RFX7: variants seen among roughly 807,000 people sequenced by gnomAD.
RFX7 encodes DNA-binding protein RFX7.
In RFX7, 26 loss-of-function variants were observed where a neutral mutation model predicts 111.8. That is an observed-to-expected ratio of 0.23 (90% CI 0.17 to 0.32). RFX7 has a LOEUF of 0.32. Among genes scored for constraint, RFX7 ranks in the 10% least tolerant of loss-of-function variants. The probability of loss-of-function intolerance (pLI) is 1.00; values close to 1 mark genes in which losing one functional copy is unlikely to be tolerated. For missense variants in RFX7, 1,573 were observed against 1,772.9 expected (o/e 0.89, Z 2.02); for synonymous variants, 624 against 624.4 (o/e 1.00, Z 0.01).
intron 2 of RFX7, among the ~76,000 whole-genome samples, chr15:56,211,387 C>T (rs2043312018): frequency 6.6e-6 from 1 of 152,066 alleles, no homozygotes; most frequent in Admixed American, 6.6e-5. Flanking sequence ...ACAGATCATA[C>T]ACTCATCACA....
intron 3 of RFX7, among the ~76,000 whole-genome samples, chr15:56,172,865 G>A (rs2042860657): frequency 1.3e-5 from 2 of 152,148 alleles, no homozygotes; most frequent in Non-Finnish European, 2.9e-5. Context: ...ATAGACTTCT[G>A]CATGTGGCCG....
chr15:56,145,554 T>G (rs536995795), intron 3 of RFX7, among the ~76,000 whole-genome samples: 90 of 152,350 alleles, frequency 5.9e-4, no homozygotes, highest in African/African-American at 2.1e-3. Flanking sequence ...CAATTGGCTC[T>G]TGCTCCAATA....
chr15:56,224,131 A>C (rs1384910691), intron 2 of RFX7, among the ~76,000 whole-genome samples: 1 of 152,054 alleles, frequency 6.6e-6, no homozygotes, highest in Non-Finnish European at 1.5e-5. Flanking sequence ...AGTAAAATGG[A>C]ACAAGTTGAA....
rs1265225584 is a variant in RFX7, at chr15:56,243,450, G to C, written c.-8C>G. ...TGGATAAGCTAGGCCTTTACCCCAG[G>C]GCTCGAGTGAGTCGCTTTCGCCTGC... On this transcript the variant is annotated 5_prime_UTR_variant, in exon 1 of 10. Coordinates refer to ENST00000559447, the MANE Select transcript of RFX7 (RefSeq NM_022841.7). The C allele has an allele frequency of 3.0e-6, 3 of 984,278 alleles. No homozygotes were observed. The highest frequency in any genetic ancestry group is 3.6e-6 in the Non-Finnish European group (3 of 829,408). 61.0% of individuals were successfully genotyped at this position (984,278 alleles called of 1,614,324 possible). A position where few individuals can be genotyped will look rare whatever the true frequency, so the allele number is the denominator to read the frequency against.
intron 2 of RFX7, among the ~76,000 whole-genome samples, chr15:56,214,829 A>G (rs1444973638): frequency 6.6e-6 from 1 of 152,036 alleles, no homozygotes; most frequent in East Asian, 1.9e-4. Context: ...TTTTTATTGT[A>G]TACAGAAATG....
chr15:56,243,389 G>A (rs1206115392), intron 1 of RFX7, 56 bp downstream of exon 1: 21 of 902,690 alleles, frequency 2.3e-5, no homozygotes, highest in African/African-American at 9.3e-5. Flanking sequence ...AGGAGGGGGA[G>A]GGGGAGGGGA....
chr15:56,104,436 T>C (rs576967000), intron 5 of RFX7, among the ~76,000 whole-genome samples: 2 of 152,302 alleles, frequency 1.3e-5, no homozygotes, highest in South Asian at 4.1e-4. Context: ...GGAGAACCAC[T>C]ACCTGGGAAA....
At chr15:56,233,767 T>A (rs139304628) in intron 2 of RFX7, among the ~76,000 whole-genome samples, 205 of 152,308 alleles carry the variant, frequency 1.3e-3, no homozygotes, top group Admixed American at 2.5e-3. Context: ...GTGACATTGG[T>A]TGTGGCAACC....
chr15:56,230,429 G>A (rs1209127544), intron 2 of RFX7, among the ~76,000 whole-genome samples: 1 of 152,168 alleles, frequency 6.6e-6, no homozygotes, highest in African/African-American at 2.4e-5. Flanking sequence ...AGTATCAATT[G>A]CTGTTAAGTC....
rs1402014480 is a variant in RFX7 at position 56,098,224 on chromosome 15, A to C, written c.964T>G (p.Ser322Ala). The C allele has an allele frequency of 2.5e-6, 4 of 1,613,920 alleles. No individual in the cohort carries two copies. Reference protein sequence around the residue: ...QKKQQEQKLQSPLPGESAAKK... With the variant: ...QKKQQEQKLQAPLPGESAAKK... ...GCTGCAGATTCTCCTGGCAAAGGGG[A>C]TTGTAGTTTCTGTTCTTGCTGCTTC... Residue 322 changes from serine (S) to alanine (A), a missense_variant, in exon 9 of 10, where the codon TCC becomes GCC. By Grantham distance (99) the Ser-to-Ala change is moderately conservative. Transcript: ENST00000559447.
chr15:56,169,584 A>T (rs2042819627), intron 3 of RFX7, among the ~76,000 whole-genome samples: 1 of 152,098 alleles, frequency 6.6e-6, no homozygotes, highest in African/African-American at 2.4e-5. Flanking sequence ...TACCCACCTA[A>T]GTTAGGTTAG....
At chr15:56,239,650 G>T (rs752720704) in intron 2 of RFX7, among the ~76,000 whole-genome samples, 1 of 152,130 alleles carries the variant, frequency 6.6e-6, no homozygotes, top group African/African-American at 2.4e-5. Context: ...AAACGTTTGG[G>T]ATTTTGGAGT....
At chr15:56,184,334 C>T (rs369917867) in intron 2 of RFX7, among the ~76,000 whole-genome samples, 223 of 151,576 alleles carry the variant, frequency 1.5e-3, no homozygotes, top group African/African-American at 5.0e-3. Context: ...CCACTGCGCC[C>T]GGACAGTTCT....
chr15:56,124,144 CG>C (rs2042112253), intron 5 of RFX7, among the ~76,000 whole-genome samples: 2 of 152,062 alleles, frequency 1.3e-5, no homozygotes, highest in Admixed American at 6.5e-5. Context: ...AAACATCTGC[CG>C]GGTGCAGTGG....
chr15:56,240,917 A>C (rs148149845), intron 2 of RFX7, among the ~76,000 whole-genome samples: 5 of 152,204 alleles, frequency 3.3e-5, no homozygotes, highest in Admixed American at 3.3e-4. Flanking sequence ...TTCACTTTTG[A>C]TATCTTTATT....
intron 3 of RFX7, among the ~76,000 whole-genome samples, chr15:56,153,144 G>T (rs182994626): frequency 6.6e-6 from 1 of 152,106 alleles, no homozygotes; most frequent in Non-Finnish European, 1.5e-5. Flanking sequence ...AAGAGGAGCT[G>T]GTACCATTCC....
In RFX7 at chr15:56,093,862, G is replaced by C. The variant is rs745708270; in HGVS notation, c.3866C>G (p.Pro1289Arg). The C allele has an allele frequency of 1.9e-6, 3 of 1,613,926 alleles. No homozygotes were observed. Reference sequence around the variant, plus strand: ...GTTGGCACTAGGAAAAACAGTGGAAGGTTCCAAAATCTGAGTGAGATTCAT... The same window carrying C: ...GTTGGCACTAGGAAAAACAGTGGAACGTTCCAAAATCTGAGTGAGATTCAT... ...ARMNLTQILE[P>R]STVFPSANPQ... Residue 1289 changes from proline to arginine, a missense_variant, in exon 10 of 10, where the codon CCT becomes CGT. Pro to Arg is a moderately radical substitution (Grantham distance 103). Around this residue, in one of 7 missense-constraint regions of RFX7, gnomAD observed 411 missense variants for 478.1 expected, o/e 0.86. Coordinates refer to ENST00000559447, the MANE Select transcript of RFX7 (RefSeq NM_022841.7).
At chr15:56,117,458 A>G (rs554420790) in intron 5 of RFX7, among the ~76,000 whole-genome samples, 22 of 152,310 alleles carry the variant, frequency 1.4e-4, no homozygotes, top group African/African-American at 5.0e-4. Context: ...GGTAATTAGC[A>G]TATCTATCAT....
At chr15:56,183,154 A>G (rs1190012379) in intron 2 of RFX7, among the ~76,000 whole-genome samples, 5 of 152,060 alleles carry the variant, frequency 3.3e-5, no homozygotes, top group Admixed American at 1.3e-4. Context: ...TTTCTCCCCT[A>G]TGAATTGTTT....
Sources: allele counts gnomAD v4.1 joint callset (sites outside exome capture counted in the v4.1 genomes callset), GRCh38; gene constraint gnomAD v4.1.1; regional missense constraint gnomAD v4.1.1; transcripts MANE v1.5; gene names NCBI Gene and HGNC (gene_info 2026-07-23, HGNC 2026-07-21).